NDFIP2: variants seen among roughly 807,000 people sequenced by gnomAD.
NDFIP2 encodes the protein Nedd4 family interacting protein 2.
A neutral mutation model predicts 36.0 loss-of-function variants in NDFIP2; 19 were observed. The ratio of observed to expected loss-of-function variants is 0.53; its 90% confidence interval spans 0.37 to 0.77. NDFIP2 has a LOEUF of 0.77. NDFIP2 is among the 30% of genes least tolerant of loss of function. The pLI is 0.00. For synonymous variants in NDFIP2, 181 were observed against 167.7 expected (o/e 1.08, Z -0.61); for missense variants, 446 against 435.8 (o/e 1.02, Z -0.21).
Position 79,553,236 on chromosome 13 carries a change from G to A in NDFIP2, c.*723G>A, listed in dbSNP as rs12585004. ...CACACACATATATATATTTAGAAAC[G>A]TGAGTGTTAAAGATAGAATTTGTTT... is the stretch of plus-strand genomic sequence containing the variant. On this transcript the variant is annotated 3_prime_UTR_variant, in exon 8 of 8. Transcript: ENST00000218652. The A allele has an allele frequency of 7.9e-5, 12 of 151,098 alleles. No individual in the cohort carries two copies. In the East Asian group the frequency reaches 1.6e-3, roughly 20 times the overall value. 9.4% of individuals were successfully genotyped at this position (151,098 alleles called of 1,614,324 possible). A position where few individuals can be genotyped will look rare whatever the true frequency, so the allele number is the denominator to read the frequency against.
intron 1 of NDFIP2, among the ~76,000 whole-genome samples, chr13:79,482,087 C>T (rs894361167): frequency 1.3e-5 from 2 of 149,688 alleles, no homozygotes; most frequent in Non-Finnish European, 3.0e-5. Context: ...TTAACCTTGT[C>T]ATTTTGTCCT....
chr13:79,512,157 C>T (rs1257578617), intron 1 of NDFIP2, among the ~76,000 whole-genome samples: 2 of 152,122 alleles, frequency 1.3e-5, no homozygotes, highest in Non-Finnish European at 2.9e-5. Flanking sequence ...GTCAAAATGT[C>T]CTTACTTAAT....
intron 3 of NDFIP2, among the ~76,000 whole-genome samples, chr13:79,535,671 A>G (rs1875207565): frequency 6.7e-6 from 1 of 149,752 alleles, no homozygotes; most frequent in Admixed American, 6.7e-5. Flanking sequence ...GTGCTTCAGC[A>G]CCCTCTTTGT....
chr13:79,521,018 T>C (rs1172894498), intron 2 of NDFIP2, 43 bp downstream of exon 2: 21 of 1,520,004 alleles, frequency 1.4e-5, no homozygotes, highest in Non-Finnish European at 1.8e-5. Context: ...CTTTTTTTTT[T>C]TTGACATTTT....
At chr13:79,531,537 T>G (rs747897605) in intron 2 of NDFIP2, among the ~76,000 whole-genome samples, 7 of 152,222 alleles carry the variant, frequency 4.6e-5, no homozygotes, top group Non-Finnish European at 7.4e-5. Flanking sequence ...GCCACCATCA[T>G]CAATGATCTT....
intron 1 of NDFIP2, among the ~76,000 whole-genome samples, chr13:79,486,816 C>G (rs780819969): frequency 6.6e-6 from 1 of 152,156 alleles, no homozygotes; most frequent in Non-Finnish European, 1.5e-5. Flanking sequence ...TAGATAAATA[C>G]TGTTGTTTTA....
chr13:79,489,397 G>C (rs1267099310), intron 1 of NDFIP2, among the ~76,000 whole-genome samples: 1 of 152,210 alleles, frequency 6.6e-6, no homozygotes, highest in East Asian at 1.9e-4. Flanking sequence ...CCTGGGCTTG[G>C]AAATTCATAA....
chr13:79,495,454 T>C (rs59232955), intron 1 of NDFIP2, among the ~76,000 whole-genome samples: 6,483 of 151,968 alleles, frequency 0.043, 472 homozygotes, highest in African/African-American at 0.15. Context: ...AATAAAGCCT[T>C]CTTATTTTAT....
intron 5 of NDFIP2, 95 bp downstream of exon 5, chr13:79,543,777 A>G: frequency 1.4e-6 from 2 of 1,458,006 alleles, no homozygotes; most frequent in Non-Finnish European, 1.9e-6. Context: ...ATTTTCATGA[A>G]TTCAGTTATT....
In NDFIP2 at chr13:79,555,511, G is replaced by C. The variant is rs1876078242; in HGVS notation, c.*2998G>C. The C allele has an allele frequency of 1.3e-5, 2 of 151,794 alleles. No individual in the cohort carries two copies. The highest frequency in any genetic ancestry group is 1.3e-4 in the Admixed American group (2 of 15,192). 9.4% of individuals were successfully genotyped at this position (151,794 alleles called of 1,614,324 possible). ...GAGGGATGGAACTGGGGTAAGGGCA[G>C]GAGCCAGTTATTATTGCCACAGTGT... On this transcript the variant is annotated 3_prime_UTR_variant, in exon 8 of 8. Transcript: ENST00000218652.
At chr13:79,551,611 CAT>C (rs1230786673) in intron 7 of NDFIP2, among the ~76,000 whole-genome samples, 3 of 151,558 alleles carry the variant, frequency 2.0e-5, no homozygotes, top group East Asian at 1.9e-4. Context: ...GAATAAAAGT[CAT>C]GTGAAGAAAA....
intron 1 of NDFIP2, among the ~76,000 whole-genome samples, chr13:79,508,264 G>A (rs995860700): frequency 1.3e-5 from 2 of 152,158 alleles, no homozygotes; most frequent in Non-Finnish European, 2.9e-5. Flanking sequence ...ACATTTAGAA[G>A]TAGAACTGTT....
At chr13:79,498,636 T>A (rs1312577889) in intron 1 of NDFIP2, among the ~76,000 whole-genome samples, 1 of 151,894 alleles carries the variant, frequency 6.6e-6, no homozygotes, top group Non-Finnish European at 1.5e-5. Context: ...AGGGAAGAGA[T>A]TATGAGAGAG....
At chr13:79,497,868 A>G (rs1873508263) in intron 1 of NDFIP2, among the ~76,000 whole-genome samples, 1 of 148,756 alleles carries the variant, frequency 6.7e-6, no homozygotes, top group South Asian at 2.1e-4. Flanking sequence ...AAGTTTTATC[A>G]TGTCTTGGTG....
At chr13:79,485,181 T>C (rs186861826) in intron 1 of NDFIP2, among the ~76,000 whole-genome samples, 7 of 152,106 alleles carry the variant, frequency 4.6e-5, no homozygotes, top group Admixed American at 3.3e-4. Flanking sequence ...GCTGAGGAAC[T>C]CAGAAACTCA....
chr13:79,500,949 C>A (rs746300705), intron 1 of NDFIP2, among the ~76,000 whole-genome samples: 13 of 151,872 alleles, frequency 8.6e-5, no homozygotes, highest in Non-Finnish European at 8.8e-5. Flanking sequence ...ATGGATAAAC[C>A]GTGAGACATA....
chr13:79,483,207 A>G (rs1022541309), intron 1 of NDFIP2, among the ~76,000 whole-genome samples: 2 of 152,098 alleles, frequency 1.3e-5, no homozygotes, highest in African/African-American at 4.8e-5. Context: ...GATAAAGCCT[A>G]CCAGTCCCTC....
Position 79,554,602 on chromosome 13 carries a change from G to A in NDFIP2, c.*2089G>A, listed in dbSNP as rs1876036929. ...TCCTCTATAATTGGCATAATTCAAT[G>A]GTAGCCTTAAATCTCATCATGTAAG... is the stretch of plus-strand genomic sequence containing the variant. On this transcript the variant is annotated 3_prime_UTR_variant, in exon 8 of 8. Transcript: ENST00000218652. 1 of 151,724 alleles carries A rather than the reference G, an allele frequency of 6.6e-6. No individual in the cohort carries two copies. Among genetic ancestry groups the A allele is most frequent in the African/African-American group, 2.4e-5 (1 of 41,354 alleles). The allele number at this position is 151,724 out of a possible 1,614,324, so 9.4% of individuals were successfully genotyped here.
intron 1 of NDFIP2, among the ~76,000 whole-genome samples, chr13:79,482,556 G>A (rs765572391): frequency 6.6e-6 from 1 of 152,060 alleles, no homozygotes; most frequent in Admixed American, 6.6e-5. Flanking sequence ...GCAGTTTATG[G>A]TTTATAAAAT....
Sources: allele counts gnomAD v4.1 joint callset (sites outside exome capture counted in the v4.1 genomes callset), GRCh38; gene constraint gnomAD v4.1.1; transcripts MANE v1.5; gene names NCBI Gene and HGNC (gene_info 2026-07-23, HGNC 2026-07-21).